Variants in DNM1L observed in about 807,000 individuals in gnomAD.
The protein encoded by DNM1L is dynamin 1L, also known as dynamin-1-like protein.
DNM1L carries 33 observed loss-of-function variants against 92.8 expected under a neutral mutation model. That is an observed-to-expected ratio of 0.36 (90% CI 0.27 to 0.48). The LOEUF (loss-of-function observed/expected upper bound fraction) is 0.48, where lower values mean the gene tolerates loss of function less well. Among genes scored for constraint, DNM1L ranks in the 20% least tolerant of loss-of-function variants. The pLI, the probability that DNM1L is intolerant of heterozygous loss-of-function variation, is 0.99. For synonymous variants in DNM1L, 284 were observed against 305.0 expected (o/e 0.93, Z 0.72); for missense variants, 485 against 888.8 (o/e 0.55, Z 5.78).
rs771779701 is a variant in DNM1L at position 32,745,163 on chromosome 12, C to T, written c.*1753C>T. ...TGACAGAGGATACATGCTCCCAAAA[C>T]GTTTGTTACCACACTTAAAAATCAC... On this transcript the variant is annotated 3_prime_UTR_variant, in exon 20 of 20. Coordinates refer to ENST00000549701, the MANE Select transcript of DNM1L (RefSeq NM_012062.5). The T allele has an allele frequency of 2.4e-5, 7 of 291,790 alleles. No individual in the cohort carries two copies. The highest frequency in any genetic ancestry group is 4.7e-5 in the Non-Finnish European group (7 of 148,938). 18.1% of individuals were successfully genotyped at this position (291,790 alleles called of 1,614,324 possible). A position where few individuals can be genotyped will look rare whatever the true frequency, so the allele number is the denominator to read the frequency against.
rs1307836010 is a variant in DNM1L, at chr12:32,744,783, T to C, written c.*1373T>C. On this transcript the variant is annotated 3_prime_UTR_variant, in exon 20 of 20. Transcript: ENST00000549701. ...TTCAGACTTACAGACCTAAGCTGCA[T>C]TTATGGGGTAGTGATGAGGTTTAGA... The C allele has an allele frequency of 4.5e-6, 2 of 443,494 alleles. No homozygotes were observed. Among genetic ancestry groups the C allele is most frequent in the South Asian group, 1.6e-5 (1 of 60,962 alleles). 27.5% of individuals were successfully genotyped at this position (443,494 alleles called of 1,614,324 possible).
Position 32,731,252 on chromosome 12 carries a change from TAAA to T in DNM1L, c.1201-101_1201-99del. On this transcript the variant is annotated intron_variant, in intron 10 of 19. Coordinates refer to ENST00000549701, the MANE Select transcript of DNM1L (RefSeq NM_012062.5). The surrounding 1 kb of genome is among the most constrained non-coding windows in gnomAD (Gnocchi z 5.1). ...TTTATTTTGCTCTCATATTTGAAATTAAAAAGCATTTTTCATGAAAAGTACCAA... is the reference window on the plus strand; with the variant it reads ...TTTATTTTGCTCTCATATTTGAAATTAAGCATTTTTCATGAAAAGTACCAA... 1.3e-6 allele frequency: 2 copies of T among 1,581,462 alleles called. No homozygotes were observed. The highest frequency in any genetic ancestry group is 1.7e-6 in the Non-Finnish European group (2 of 1,161,234).
chr12:32,699,814 A>T (rs1054240559), intron 1 of DNM1L, among the ~76,000 whole-genome samples: 2 of 145,922 alleles, frequency 1.4e-5, no homozygotes, highest in African/African-American at 2.5e-5. Flanking sequence ...AAAAAAAAAA[A>T]AAAAAGCAAT....
chr12:32,738,357 T>A, intron 16 of DNM1L, 61 bp downstream of exon 16: 2 of 1,566,278 alleles, frequency 1.3e-6, no homozygotes, highest in Non-Finnish European at 1.8e-6. Flanking sequence ...AAACACTGTC[T>A]ATACCACCAT....
intron 2 of DNM1L, among the ~76,000 whole-genome samples, chr12:32,702,547 T>G (rs1383758633): frequency 6.6e-6 from 1 of 152,200 alleles, no homozygotes; most frequent in African/African-American, 2.4e-5. Context: ...TCTGCAGAGA[T>G]CTGTTTTCAA....
intron 14 of DNM1L, 62 bp downstream of exon 14, chr12:32,737,223 A>G: frequency 6.4e-7 from 1 of 1,562,028 alleles, no homozygotes; most frequent in Non-Finnish European, 8.8e-7. Context: ...AGCTCAGAAT[A>G]TTACTCAGTC....
chr12:32,699,796 CAAAAAAAAA>C (rs34943495), intron 1 of DNM1L, among the ~76,000 whole-genome samples: 4 of 73,592 alleles, frequency 5.4e-5, no homozygotes, highest in East Asian at 5.1e-4. Flanking sequence ...GACTCCATCT[CAAAAAAAAA>C]AAAAAAAAAA....
intron 1 of DNM1L, among the ~76,000 whole-genome samples, chr12:32,687,963 C>T (rs892558831): frequency 3.3e-5 from 5 of 152,020 alleles, no homozygotes; most frequent in East Asian, 1.9e-4. Context: ...CTTACTCTGT[C>T]GCCCAGGCTG....
Position 32,744,733 on chromosome 12 carries a change from A to C in DNM1L, c.*1323A>C, listed in dbSNP as rs766938355. 3.2e-5 allele frequency: 12 copies of C among 370,124 alleles called. No individual in the cohort carries two copies. Among genetic ancestry groups the C allele is most frequent in the Admixed American group, 8.0e-5 (2 of 24,960 alleles). The allele number at this position is 370,124 out of a possible 1,614,324, so 22.9% of individuals were successfully genotyped here. A position where few individuals can be genotyped will look rare whatever the true frequency, so the allele number is the denominator to read the frequency against. On this transcript the variant is annotated 3_prime_UTR_variant, in exon 20 of 20. Transcript: ENST00000549701. The stretch of plus-strand genomic sequence containing the variant: ...CGTCTCAAAAAAAAAAAATAAAACA[A>C]CACCCAGATAGATACACATACTCCT...
chr12:32,685,182 C>T (rs1262096592), intron 1 of DNM1L, among the ~76,000 whole-genome samples: 6 of 152,138 alleles, frequency 3.9e-5, no homozygotes, highest in African/African-American at 7.2e-5. Context: ...CGTGATCCAC[C>T]CGCCTCGGCC....
intron 1 of DNM1L, 99 bp downstream of exon 1, chr12:32,679,564 G>A: frequency 6.9e-7 from 1 of 1,459,374 alleles, no homozygotes; most frequent in Non-Finnish European, 9.3e-7. Flanking sequence ...CCACTCCCGC[G>A]CCAGCCTTTG....
At chr12:32,679,800 C>G in intron 1 of DNM1L, 1 of 1,030,120 alleles carries the variant, frequency 9.7e-7, no homozygotes, top group South Asian at 4.6e-5. Flanking sequence ...CGGCCTCGTC[C>G]GCGTGCCGCT....
chr12:32,735,030 T>C (rs1449410249), intron 13 of DNM1L, among the ~76,000 whole-genome samples: 1 of 152,228 alleles, frequency 6.6e-6, no homozygotes, highest in African/African-American at 2.4e-5. Flanking sequence ...AGATCACAGT[T>C]ATGTTAAAAA....
At position 32,722,520 on chromosome 12, in the gene DNM1L, C is replaced by T. The variant is rs118169466; in HGVS notation, c.966C>T (p.Tyr322=). 12,493 of 1,613,312 alleles carry T rather than the reference C, an allele frequency of 7.7e-3. 62 individuals are homozygous for T. Among genetic ancestry groups the T allele is most frequent in the Non-Finnish European group, 9.5e-3 (11,158 of 1,179,876 alleles). The change falls in exon 9 of 20, where the codon TAC becomes TAT. Residue 322 remains tyrosine, a synonymous_variant. Transcript: ENST00000549701. ...AGTATCAGTCTCTTCTAAATAGCTA[C>T]GGTGAACCCGTGGATGATAAAAGTG... ...AAQYQSLLNS[Y]GEPVDDKSAT...
intron 9 of DNM1L, among the ~76,000 whole-genome samples, chr12:32,724,897 T>C (rs1190915294): frequency 6.6e-6 from 1 of 151,732 alleles, no homozygotes; most frequent in Non-Finnish European, 1.5e-5. Context: ...GGTAGTTAAG[T>C]AAACAGTACT....
At position 32,679,322 on chromosome 12, in the gene DNM1L, T is replaced by G. The variant is rs757231215; in HGVS notation, c.-42T>G. On this transcript the variant is annotated 5_prime_UTR_variant, in exon 1 of 20. It adds an upstream start codon to the 5' untranslated region. Coordinates refer to ENST00000549701, the MANE Select transcript of DNM1L (RefSeq NM_012062.5). Reference sequence around the variant, plus strand: ...AACTGTGGGCCCCGGCCCCATTCATTGCCGTGGCCGGCGGGCACTGGGGCC... The same window carrying G: ...AACTGTGGGCCCCGGCCCCATTCATGGCCGTGGCCGGCGGGCACTGGGGCC... The G allele has an allele frequency of 1.4e-6, 2 of 1,387,906 alleles. No homozygotes were observed. The highest frequency in any genetic ancestry group is 2.8e-5 in the African/African-American group (2 of 70,636). The allele number at this position is 1,387,906 out of a possible 1,614,324, so 86.0% of individuals were successfully genotyped here. A position where few individuals can be genotyped will look rare whatever the true frequency, so the allele number is the denominator to read the frequency against.
At chr12:32,680,004 GTT>G (rs1258879848) in intron 1 of DNM1L, 1 of 985,346 alleles carries the variant, frequency 1.0e-6, no homozygotes, top group African/African-American at 1.7e-5. Context: ...GAGCGCCAGT[GTT>G]TTCCTGCAGT....
chr12:32,717,206 T>C (rs1378294509), intron 6 of DNM1L, among the ~76,000 whole-genome samples: 1 of 115,412 alleles, frequency 8.7e-6, no homozygotes, highest in African/African-American at 3.4e-5. Context: ...TATTTATATA[T>C]ACTATAAAAT....
intron 9 of DNM1L, chr12:32,727,407 G>T: frequency 1.3e-6 from 1 of 756,410 alleles, no homozygotes; most frequent in South Asian, 1.4e-5. Context: ...TGGCTACTAT[G>T]AGAAGCCAGG....
Sources: gnomAD v4.1 joint callset for allele counts (sites outside exome capture counted in the v4.1 genomes callset) on GRCh38, gnomAD v4.1.1 for gene constraint, Gnocchi (gnomAD v3.1) non-coding constraint, MANE v1.5 for transcripts, NCBI Gene and HGNC (gene_info 2026-07-23, HGNC 2026-07-21) for gene names.